The following FRMD4A variants were observed in gnomAD, a reference collection of about 807,000 sequenced individuals.
FRMD4A encodes FERM domain containing 4A.
Under a neutral mutation model 129.1 loss-of-function variants are expected in FRMD4A, and 29 were observed. The ratio of observed to expected loss-of-function variants is 0.22; its 90% CI spans 0.17 to 0.31. The LOEUF is 0.31. Ranked by LOEUF, FRMD4A falls within the 10% of genes least tolerant of loss-of-function variation. The probability of loss-of-function intolerance (pLI) is 1.00; values close to 1 mark genes in which losing one functional copy is unlikely to be tolerated. For missense variants in FRMD4A, 1,272 were observed against 1,375.8 expected (o/e 0.92, Z 1.19); for synonymous variants, 634 against 571.6 (o/e 1.11, Z -1.56).
intron 2 of FRMD4A, among the ~76,000 whole-genome samples, chr10:14,181,172 T>C (rs1284146473): frequency 6.6e-6 from 1 of 152,244 alleles, no homozygotes; most frequent in Non-Finnish European, 1.5e-5. Context: ...TTCATTATCA[T>C]AAACACTTCA....
intron 2 of FRMD4A, among the ~76,000 whole-genome samples, chr10:14,188,006 C>G (rs1024537854): frequency 1.3e-5 from 2 of 152,158 alleles, no homozygotes; most frequent in Non-Finnish European, 2.9e-5. Context: ...GTATCTCCAC[C>G]TCCTTGTAGC....
At chr10:13,781,225 A>G (rs1325076180) in intron 6 of FRMD4A, among the ~76,000 whole-genome samples, 1 of 148,382 alleles carries the variant, frequency 6.7e-6, no homozygotes, top group East Asian at 2.1e-4. Flanking sequence ...GATCACTTGA[A>G]CCCAGAAGGT....
intron 2 of FRMD4A, among the ~76,000 whole-genome samples, chr10:14,290,469 A>G (rs972755625): frequency 5.3e-5 from 8 of 152,140 alleles, no homozygotes; most frequent in Non-Finnish European, 8.8e-5. Flanking sequence ...CCAAGAATAC[A>G]TACTGGGGAA....
chr10:14,199,446 C>G (rs547013736), intron 2 of FRMD4A, among the ~76,000 whole-genome samples: 1 of 151,088 alleles, frequency 6.6e-6, no homozygotes, highest in Admixed American at 6.6e-5. Flanking sequence ...CTCCACCTCC[C>G]GGGCTCAATC....
intron 2 of FRMD4A, among the ~76,000 whole-genome samples, chr10:13,879,682 CT>C (rs2094525323): frequency 3.9e-5 from 1 of 25,692 alleles, no homozygotes. Flanking sequence ...CCTCCTTCTT[CT>C]TTCTCTTCCT....
intron 2 of FRMD4A, among the ~76,000 whole-genome samples, chr10:14,139,891 C>A (rs1388862767): frequency 6.6e-6 from 1 of 152,018 alleles, no homozygotes; most frequent in Admixed American, 6.6e-5. Context: ...TTGTGTATAT[C>A]CACACACTAC....
intron 2 of FRMD4A, among the ~76,000 whole-genome samples, chr10:13,967,312 G>T (rs921222831): frequency 2.0e-5 from 3 of 152,142 alleles, no homozygotes; most frequent in Non-Finnish European, 4.4e-5. Context: ...ACTCCAGCCT[G>T]GGCGACAGAG....
At chr10:13,808,571 T>C (rs1197276572) in intron 4 of FRMD4A, among the ~76,000 whole-genome samples, 1 of 152,230 alleles carries the variant, frequency 6.6e-6, no homozygotes, top group Non-Finnish European at 1.5e-5. Flanking sequence ...GCACTCCCAA[T>C]GTCTGTTGGC....
intron 2 of FRMD4A, among the ~76,000 whole-genome samples, chr10:14,181,500 C>T (rs1375720725): frequency 1.3e-5 from 2 of 152,152 alleles, no homozygotes; most frequent in Admixed American, 1.3e-4. Context: ...TTGGATGTTC[C>T]TGCAAAGTTA....
chr10:13,689,198 C>CGGGGGGGGGGGGGGGGGG (rs61670615), intron 15 of FRMD4A, among the ~76,000 whole-genome samples: 1 of 68,026 alleles, frequency 1.5e-5, no homozygotes, highest in Admixed American at 2.0e-4. Context: ...AAACTCTTTG[C>CGGGGGGGGGGGGGGGGGG]GGGGGGGGGG....
intron 12 of FRMD4A, among the ~76,000 whole-genome samples, chr10:13,713,843 ATATACACATATATATAAT>A (rs2088321107): frequency 8.7e-5 from 1 of 11,558 alleles, no homozygotes; most frequent in Non-Finnish European, 1.3e-4. Context: ...TATGTAATAT[ATATACACATATATATAAT>A]ATATATACAT....
intron 18 of FRMD4A, among the ~76,000 whole-genome samples, chr10:13,663,880 G>C (rs1321667907): frequency 6.6e-6 from 1 of 152,208 alleles, no homozygotes; most frequent in Admixed American, 6.5e-5. Context: ...ACCAAAGGAC[G>C]CAAACTGCTT....
At chr10:14,098,604 T>G (rs558670417) in intron 2 of FRMD4A, among the ~76,000 whole-genome samples, 14 of 152,194 alleles carry the variant, frequency 9.2e-5, no homozygotes, top group Non-Finnish European at 1.9e-4. Context: ...GAGACGTGGT[T>G]TCAGCGTGTT....
At chr10:14,128,019 C>T (rs1163133789) in intron 2 of FRMD4A, among the ~76,000 whole-genome samples, 5 of 129,144 alleles carry the variant, frequency 3.9e-5, no homozygotes, top group East Asian at 2.3e-4. Context: ...TTTCTTCCTT[C>T]CTTCCTTCCT....
At chr10:13,740,823 GTTTGTTTT>G (rs1250333404) in intron 9 of FRMD4A, among the ~76,000 whole-genome samples, 2 of 105,108 alleles carry the variant, frequency 1.9e-5, no homozygotes, top group African/African-American at 3.9e-5. Context: ...TGTCTTGGAT[GTTTGTTTT>G]TTTTTTTTTT....
chr10:13,678,239 A>G (rs2084166109), intron 15 of FRMD4A, among the ~76,000 whole-genome samples: 1 of 152,116 alleles, frequency 6.6e-6, no homozygotes, highest in Admixed American at 6.5e-5. Context: ...CCCTCTCTGT[A>G]TCCGCTAATG....
intron 2 of FRMD4A, among the ~76,000 whole-genome samples, chr10:13,961,246 G>A (rs1281149786): frequency 6.6e-6 from 1 of 152,154 alleles, no homozygotes; most frequent in African/African-American, 2.4e-5. Context: ...TTTTCAAAGG[G>A]AGTTAACACG....
chr10:14,164,721 T>C (rs769965735), intron 2 of FRMD4A, among the ~76,000 whole-genome samples: 10 of 152,198 alleles, frequency 6.6e-5, no homozygotes, highest in Non-Finnish European at 1.2e-4. Context: ...CTTGGAGCCA[T>C]GGTTTTGCAT....
rs73603256 is a variant in FRMD4A, at chr10:14,283,706, G to A, written c.45+46352C>T. On this transcript the variant is annotated intron_variant, in intron 2 of 24. Coordinates refer to ENST00000357447, the MANE Select transcript of FRMD4A (RefSeq NM_018027.5). ...CTTCACTTGTTTGTTTATAATATGT[G>A]TCATTTCAACAACTTTGTTATTTTG... Among the ~76,000 whole-genome samples the A allele has an allele frequency of 7.5e-3, 1,147 of 152,238 alleles. 18 individuals carry two copies. Among genetic ancestry groups the A allele is most frequent in the African/African-American group, 0.025 (1,052 of 41,518 alleles).
Sources: allele counts gnomAD v4.1 joint callset (sites outside exome capture counted in the v4.1 genomes callset), GRCh38; gene constraint gnomAD v4.1.1; transcripts MANE v1.5; gene names NCBI Gene and HGNC (gene_info 2026-07-23, HGNC 2026-07-21).